KIF1B: variants seen among roughly 807,000 people sequenced by gnomAD.
KIF1B encodes kinesin-like protein KIF1B.
Under a neutral mutation model 241.9 loss-of-function variants are expected in KIF1B, and 76 were observed. The ratio of observed to expected loss-of-function variants is 0.31; its 90% CI spans 0.26 to 0.38. The LOEUF (loss-of-function observed/expected upper bound fraction) is 0.38, where lower values mean the gene tolerates loss of function less well. KIF1B is among the 10% of genes least tolerant of loss of function. The probability of loss-of-function intolerance (pLI) is 1.00; values close to 1 mark genes in which losing one functional copy is unlikely to be tolerated. For synonymous variants in KIF1B, 750 were observed against 796.7 expected, an observed-to-expected ratio of 0.94 and a Z score of 0.99; for missense variants, 1,622 against 2,271.4, an observed-to-expected ratio of 0.71 and a Z score of 5.81.
chr1:10,361,567 A>C (rs1638423463), intron 39 of KIF1B, 125 bp from the exon 40 acceptor site: 2 of 1,120,056 alleles, frequency 1.8e-6, no homozygotes, highest in Non-Finnish European at 2.7e-6. Context: ...CTGTTGAAAT[A>C]ATTGGTGGAG....
In KIF1B at chr1:10,219,680, C is replaced by T. The variant is rs200552133; in HGVS notation, c.-80+8802C>T. Among the ~76,000 whole-genome samples, 89 of 151,564 alleles carry T rather than the reference C, an allele frequency of 5.9e-4. No homozygotes were observed. In the East Asian group the frequency reaches 0.012, roughly 20 times the overall value. ...GGCTGAGGCAGGAGAATCACTTGAA[C>T]TCAGGAGGCAGAGGTTGTTGTAAGC... On this transcript the variant is annotated intron_variant, in intron 1 of 48. Coordinates refer to ENST00000676179, the MANE Select transcript of KIF1B (RefSeq NM_001365951.3).
Position 10,347,091 on chromosome 1 carries a change from T to A in KIF1B, c.3798-670T>A, listed in dbSNP as rs543581642. On this transcript the variant is annotated intron_variant, in intron 35 of 48. Transcript: ENST00000676179. ...TGATTAATGTAATTGTTGTGTATAA[T>A]CATCTCTAAAATGCTTTTGTAAAAA... Among the ~76,000 whole-genome samples, 6 of 152,332 alleles carry A rather than the reference T, an allele frequency of 3.9e-5. No individual in the cohort carries two copies. The East Asian group carries it at 1.2e-3, about 29-fold the overall frequency.
At chr1:10,314,341 G>A (rs764483456) in intron 22 of KIF1B, among the ~76,000 whole-genome samples, 4 of 151,508 alleles carry the variant, frequency 2.6e-5, no homozygotes, top group Non-Finnish European at 5.9e-5. Flanking sequence ...GGTTTGGGGA[G>A]GGGGCCAATT....
intron 14 of KIF1B, 81 bp from the exon 15 acceptor site, chr1:10,282,241 A>T (rs1649441499): frequency 9.6e-7 from 1 of 1,044,124 alleles, no homozygotes; most frequent in Non-Finnish European, 1.4e-6. Context: ...TTACAACGAT[A>T]TTCCTTCCTG....
At chr1:10,370,421 G>A (rs12132635) in intron 44 of KIF1B, among the ~76,000 whole-genome samples, 36,416 of 151,558 alleles carry the variant, frequency 0.24, 5,083 homozygotes, top group Admixed American at 0.31. Context: ...AAAATTAGTT[G>A]GGTGTGGTGG....
intron 44 of KIF1B, among the ~76,000 whole-genome samples, chr1:10,369,837 C>T (rs1356682433): frequency 1.3e-5 from 2 of 151,060 alleles, no homozygotes; most frequent in African/African-American, 2.4e-5. Context: ...GAGGCTGAGG[C>T]AGGAGAATCG....
At chr1:10,310,103 C>T (rs934741975) in intron 22 of KIF1B, among the ~76,000 whole-genome samples, 9 of 151,530 alleles carry the variant, frequency 5.9e-5, no homozygotes, top group Admixed American at 2.0e-4. Flanking sequence ...GGTTCTTCCA[C>T]GAGAATGTAA....
rs1359712759 is a variant in KIF1B, at chr1:10,378,319, GTCT to G, written c.*1737_*1739del. On this transcript the variant is annotated 3_prime_UTR_variant, in exon 49 of 49. Transcript: ENST00000676179. Reference sequence around the variant, plus strand: ...GAAAGGAGGAAGCTCACTGTGGACAGTCTTCTTTCCTTCTGACAGACCAGGTCA... The same window carrying G: ...GAAAGGAGGAAGCTCACTGTGGACAGTCTTTCCTTCTGACAGACCAGGTCA... 2.8e-6 allele frequency: 2 copies of G among 717,914 alleles called. No individual in the cohort carries two copies. Among genetic ancestry groups the G allele is most frequent in the Non-Finnish European group, 5.2e-6 (2 of 385,192 alleles). 44.5% of individuals were successfully genotyped at this position (717,914 alleles called of 1,614,324 possible). A position where few individuals can be genotyped will look rare whatever the true frequency, so the allele number is the denominator to read the frequency against.
intron 35 of KIF1B, among the ~76,000 whole-genome samples, chr1:10,346,574 A>G (rs1296769763): frequency 6.6e-6 from 1 of 152,110 alleles, no homozygotes; most frequent in Non-Finnish European, 1.5e-5. Context: ...CATGTTGGCC[A>G]GGCTGGTCTC....
chr1:10,245,605 A>G (rs1287494281), intron 2 of KIF1B, among the ~76,000 whole-genome samples: 2 of 152,202 alleles, frequency 1.3e-5, no homozygotes, highest in South Asian at 2.1e-4. Context: ...AAAAAAATAC[A>G]TTTAGGTCTT....
chr1:10,260,867 CAA>C (rs199595339), intron 4 of KIF1B, among the ~76,000 whole-genome samples: 21 of 99,728 alleles, frequency 2.1e-4, no homozygotes, highest in Admixed American at 2.1e-4. Context: ...AACTCGGTCT[CAA>C]AAAAAAAAAA....
chr1:10,281,084 G>A (rs1649384390), intron 14 of KIF1B, among the ~76,000 whole-genome samples: 1 of 152,032 alleles, frequency 6.6e-6, no homozygotes, highest in Non-Finnish European at 1.5e-5. Context: ...TTTTCAAACT[G>A]TCTTGAAGCA....
Position 10,349,964 on chromosome 1 carries a change from A to G in KIF1B, c.3949+1231A>G, listed in dbSNP as rs113645044. Among the ~76,000 whole-genome samples, 770 of 152,354 alleles carry G rather than the reference A, an allele frequency of 5.1e-3. 11 individuals are homozygous for G. The highest frequency in any genetic ancestry group is 0.017 in the African/African-American group (724 of 41,578). ...ATAACAAGATTTAGCAGTTATTCTA[A>G]TTACCATAATTTCCAAGTAGTGATC... On this transcript the variant is annotated intron_variant, in intron 37 of 48. Coordinates refer to ENST00000676179, the MANE Select transcript of KIF1B (RefSeq NM_001365951.3).
chr1:10,368,372 T>C, intron 43 of KIF1B, 95 bp from the exon 44 acceptor site: 1 of 979,428 alleles, frequency 1.0e-6, no homozygotes, highest in Non-Finnish European at 1.6e-6. Flanking sequence ...CCCCGGGAAC[T>C]CAGCCCTTCA....
chr1:10,376,781 G>T lies in KIF1B; in HGVS notation c.*194G>T. The T allele has an allele frequency of 1.7e-6, 1 of 605,874 alleles. No individual in the cohort carries two copies. Among genetic ancestry groups the T allele is most frequent in the Non-Finnish European group, 3.0e-6 (1 of 334,742 alleles). The allele number at this position is 605,874 out of a possible 1,614,324, so 37.5% of individuals were successfully genotyped here. The stretch of plus-strand genomic sequence containing the variant: ...TCTGTACTCTTTTCTTTTTTCTTGT[G>T]CTGAGAATCTCGTTAGTAGCATGTG... On this transcript the variant is annotated 3_prime_UTR_variant, in exon 49 of 49. Coordinates refer to ENST00000676179, the MANE Select transcript of KIF1B (RefSeq NM_001365951.3).
intron 1 of KIF1B, among the ~76,000 whole-genome samples, chr1:10,218,049 T>G (rs1203075139): frequency 1.3e-5 from 2 of 152,148 alleles, no homozygotes; most frequent in African/African-American, 4.8e-5. Flanking sequence ...GGAAAATCCC[T>G]CCTTCGTTTC....
rs1174752444 is a variant in KIF1B, at chr1:10,378,296, AAGG to A, written c.*1714_*1716del. The stretch of plus-strand genomic sequence containing the variant: ...GGTGTGGAAACACTGCCCAGGGAGA[AAGG>A]AGGAAGCTCACTGTGGACAGTCTTC... On this transcript the variant is annotated 3_prime_UTR_variant, in exon 49 of 49. Transcript: ENST00000676179. 2.8e-6 allele frequency: 2 copies of A among 717,526 alleles called. No homozygotes were observed. The highest frequency in any genetic ancestry group is 4.0e-5 in the Admixed American group (2 of 49,994). The allele number at this position is 717,526 out of a possible 1,614,324, so 44.4% of individuals were successfully genotyped here.
chr1:10,225,342 G>A (rs1056483233), intron 1 of KIF1B, among the ~76,000 whole-genome samples: 1 of 152,024 alleles, frequency 6.6e-6, no homozygotes, highest in African/African-American at 2.4e-5. Flanking sequence ...AAAATTAGCC[G>A]GGCATGGTGG....
At chr1:10,321,384 G>A (rs962122490) in intron 23 of KIF1B, among the ~76,000 whole-genome samples, 9 of 152,026 alleles carry the variant, frequency 5.9e-5, no homozygotes, top group South Asian at 2.1e-4. Context: ...GATTATAGAC[G>A]TGAGCCACTG....
Sources: allele counts gnomAD v4.1 joint callset (sites outside exome capture counted in the v4.1 genomes callset), GRCh38; gene constraint gnomAD v4.1.1; transcripts MANE v1.5; gene names NCBI Gene and HGNC (gene_info 2026-07-23, HGNC 2026-07-21).